The following WNK1 variants were observed in gnomAD, a reference collection of about 807,000 sequenced individuals.
The protein encoded by WNK1 is serine/threonine-protein kinase WNK1.
WNK1 carries 38 observed loss-of-function variants against 222.8 expected under a neutral mutation model. The observed-to-expected ratio is 0.17, with a 90% CI of 0.13 to 0.22. The LOEUF is 0.22. Among genes scored for constraint, WNK1 ranks in the 10% least tolerant of loss-of-function variants. The pLI is 1.00. For missense variants in WNK1, 2,348 were observed against 2,918.4 expected (o/e 0.80, Z 4.50); for synonymous variants, 1,090 against 1,092.9 (o/e 1.00, Z 0.05).
Position 884,075 on chromosome 12 carries a change from A to T in WNK1, c.3722-46A>T, listed in dbSNP as rs370355572. 14 of 1,611,244 alleles carry T rather than the reference A, an allele frequency of 8.7e-6. No homozygotes were observed. Among genetic ancestry groups the T allele is most frequent in the African/African-American group, 4.0e-5 (3 of 74,762 alleles). ...AATAATGAAGTCTAACAATATTTATAATAATAATGCTATTAAGTTACGTTT... is the reference window on the plus strand; with the variant it reads ...AATAATGAAGTCTAACAATATTTATTATAATAATGCTATTAAGTTACGTTT... On this transcript the variant is annotated intron_variant, in intron 17 of 27. Coordinates refer to ENST00000315939, the MANE Select transcript of WNK1 (RefSeq NM_018979.4). The surrounding 1 kb of genome is among the most constrained non-coding windows in gnomAD (Gnocchi z 5.6).
rs1418392646 is a variant in WNK1, at chr12:884,897, G to T, written c.4093G>T (p.Asp1365Tyr). The change falls in exon 19 of 28, where the codon GAC (aspartate) becomes TAC (tyrosine). Residue 1365 changes from aspartate to tyrosine, a missense_variant. Coordinates refer to ENST00000315939, the MANE Select transcript of WNK1 (RefSeq NM_018979.4). The surrounding 1 kb of genome is among the most constrained non-coding windows in gnomAD (Gnocchi z 5.6). The stretch of plus-strand genomic sequence containing the variant: ...CCCTGCAACAAGCAGCCCTCCTAAT[G>T]ACATTTCCACATCAGTAATTCAGTC... ...PVPATSSPPN[D>Y]ISTSVIQSEV... 1 of 1,613,982 alleles carries T rather than the reference G, an allele frequency of 6.2e-7. No homozygotes were observed. The highest frequency in any genetic ancestry group is 1.3e-5 in the African/African-American group (1 of 74,904).
In WNK1 at chr12:861,248, C is replaced by G. The variant is rs1951198447; in HGVS notation, c.1856C>G (p.Thr619Ser). ...ASTGIPTAST[T>S]SASVSTQVEP... The stretch of plus-strand genomic sequence containing the variant: ...ACCGGCATACCTACTGCTTCTACCA[C>G]TTCAGCTTCAGTTTCTACACAAGTA... Residue 619 changes from threonine (T) to serine (S), a missense_variant, in exon 7 of 28, where the codon ACT (threonine) becomes AGT (serine). By Grantham distance (58) the Thr-to-Ser change is moderately conservative. Coordinates refer to ENST00000315939, the MANE Select transcript of WNK1 (RefSeq NM_018979.4). The G allele has an allele frequency of 6.2e-7, 1 of 1,614,146 alleles. No homozygotes were observed. The highest frequency in any genetic ancestry group is 8.5e-7 in the Non-Finnish European group (1 of 1,180,026).
intron 1 of WNK1, among the ~76,000 whole-genome samples, chr12:769,300 G>A (rs1372075325): frequency 6.6e-6 from 1 of 151,916 alleles, no homozygotes; most frequent in Non-Finnish European, 1.5e-5. Context: ...CTGGGTTCAA[G>A]TGATTCTCAT....
At chr12:866,289 C>G (rs941041322) in intron 8 of WNK1, among the ~76,000 whole-genome samples, 2 of 152,186 alleles carry the variant, frequency 1.3e-5, no homozygotes, top group African/African-American at 4.8e-5. Flanking sequence ...TAAGGATCTT[C>G]CCTATGGAAG....
chr12:801,754 A>G (rs908631859), intron 1 of WNK1, among the ~76,000 whole-genome samples: 6 of 152,172 alleles, frequency 3.9e-5, no homozygotes, highest in African/African-American at 1.2e-4. Context: ...TCAGGAATGA[A>G]TGAAAGCTCC....
intron 25 of WNK1, among the ~76,000 whole-genome samples, chr12:898,500 G>T (rs1352839996): frequency 6.9e-6 from 1 of 144,734 alleles, no homozygotes. Context: ...AAAAAAAAAA[G>T]AAGAACTTGC....
At chr12:844,499 C>CT (rs1033281703) in intron 4 of WNK1, among the ~76,000 whole-genome samples, 2 of 152,118 alleles carry the variant, frequency 1.3e-5, no homozygotes, top group African/African-American at 4.8e-5. Context: ...GAATAAAAAA[C>CT]TTGAAGAGTA....
intron 4 of WNK1, among the ~76,000 whole-genome samples, chr12:843,018 C>G (rs537593745): frequency 6.6e-6 from 1 of 152,190 alleles, no homozygotes; most frequent in Admixed American, 6.5e-5. Context: ...TCACTGCAAC[C>G]TCTGCCTCCT....
intron 1 of WNK1, among the ~76,000 whole-genome samples, chr12:782,831 TA>T (rs1005766503): frequency 8.0e-5 from 12 of 149,590 alleles, no homozygotes; most frequent in Non-Finnish European, 1.3e-4. Context: ...TAGCCACATT[TA>T]AAAAAAAACA....
At position 753,779 on chromosome 12, in the gene WNK1, A is replaced by G. The variant is rs1483871160; in HGVS notation, c.214A>G (p.Thr72Ala). 18 of 1,612,362 alleles carry G rather than the reference A, an allele frequency of 1.1e-5. No individual in the cohort carries two copies. Among genetic ancestry groups the G allele is most frequent in the Non-Finnish European group, 1.4e-5 (16 of 1,179,942 alleles). The change falls in exon 1 of 28, where the codon ACT (threonine) becomes GCT (alanine). Residue 72 changes from threonine to alanine, a missense_variant. By Grantham distance (58) the Thr-to-Ala change is moderately conservative. Coordinates refer to ENST00000315939, the MANE Select transcript of WNK1 (RefSeq NM_018979.4). The surrounding 1 kb of genome is among the most constrained non-coding windows in gnomAD (Gnocchi z 5.2). Reference sequence around the variant, plus strand: ...GGACAGCCGTGGGGCGGCCGCGACCACTACCACCACTGAGCACCGCTTCTT... The same window carrying G: ...GGACAGCCGTGGGGCGGCCGCGACCGCTACCACCACTGAGCACCGCTTCTT... ...DKDSRGAAAT[T>A]TTTEHRFFRR...
rs771547710 is a variant in WNK1, at chr12:908,768, A to G, written c.7125A>G (p.Pro2375=). Residue 2375 remains proline, a synonymous_variant, in exon 28 of 28, where the codon CCA becomes CCG. Transcript: ENST00000315939. ...TGCAGAAATCCATCAGCAACCCCCCAGGCTCCAACCTGCGGACCACTTAGA... is the reference window on the plus strand; with the variant it reads ...TGCAGAAATCCATCAGCAACCCCCCGGGCTCCAACCTGCGGACCACTTAGA... ...SNLQKSISNP[P]GSNLRTT is the part of the protein sequence containing the mutation. 2.1e-6 allele frequency: 3 copies of G among 1,445,504 alleles called. No homozygotes were observed. Among genetic ancestry groups the G allele is most frequent in the Non-Finnish European group, 1.9e-6 (2 of 1,076,706 alleles). 89.5% of individuals were successfully genotyped at this position (1,445,504 alleles called of 1,614,324 possible).
chr12:833,301 A>G (rs998133887), intron 4 of WNK1, among the ~76,000 whole-genome samples: 3 of 152,170 alleles, frequency 2.0e-5, no homozygotes, highest in African/African-American at 7.2e-5. Flanking sequence ...TTTCACTTAA[A>G]CTTGTTGAGC....
chr12:858,743 T>TGGGCCTCCCTTTCC (rs1360561819), intron 5 of WNK1, among the ~76,000 whole-genome samples: 1 of 152,190 alleles, frequency 6.6e-6, no homozygotes, highest in African/African-American at 2.4e-5. Context: ...TCAACCTTTC[T>TGGGCCTCCCTTTCC]GGGCCTCCAT....
intron 26 of WNK1, among the ~76,000 whole-genome samples, chr12:902,812 G>T (rs1275181418): frequency 6.6e-6 from 1 of 152,212 alleles, no homozygotes; most frequent in East Asian, 1.9e-4. Flanking sequence ...TGCCTACCTG[G>T]CACAGAACAG....
chr12:892,035 CTT>C lies in WNK1; in HGVS notation c.5509+1535_5509+1536del, dbSNP rs34947524. On this transcript the variant is annotated intron_variant, in intron 22 of 27. Transcript: ENST00000315939. Reference sequence around the variant, plus strand: ...ATTTCAGATCCCACATTATAACTAACTTTTTTTTTTTTTTGTGGCTTGGAAAT... The same window carrying C: ...ATTTCAGATCCCACATTATAACTAACTTTTTTTTTTTTGTGGCTTGGAAAT... Among the ~76,000 whole-genome samples the C allele has an allele frequency of 1.6e-3, 215 of 135,946 alleles. 3 individuals carry two copies. In the South Asian group the frequency reaches 0.02, roughly 13 times the overall value. The allele number at this position is 135,946 out of a possible 152,430, so 89.2% of individuals were successfully genotyped here. A position where few individuals can be genotyped will look rare whatever the true frequency, so the allele number is the denominator to read the frequency against.
At chr12:900,361 C>G (rs1323750402) in intron 25 of WNK1, 115 bp from the exon 26 acceptor site, 4 of 1,120,378 alleles carry the variant, frequency 3.6e-6, no homozygotes, top group Admixed American at 1.9e-5. Flanking sequence ...CAGTTTGTAG[C>G]TTTTGACCCA....
At chr12:820,475 T>G (rs946234676) in intron 2 of WNK1, among the ~76,000 whole-genome samples, 35 of 148,540 alleles carry the variant, frequency 2.4e-4, no homozygotes, top group Non-Finnish European at 4.3e-4. Context: ...GGTTTTTTTT[T>G]TTTTTTTTTT....
At chr12:757,098 T>C (rs1940160182) in intron 1 of WNK1, among the ~76,000 whole-genome samples, 1 of 151,680 alleles carries the variant, frequency 6.6e-6, no homozygotes, top group African/African-American at 2.4e-5. Context: ...GGTGTGGAAG[T>C]GGCTGTTGGA....
intron 8 of WNK1, chr12:868,780 G>A (rs779273594): frequency 6.2e-7 from 1 of 1,614,038 alleles, no homozygotes; most frequent in Admixed American, 1.7e-5. Context: ...TGCAGCCTGT[G>A]ACTGAAGAAA....
Sources: allele counts gnomAD v4.1 joint callset (sites outside exome capture counted in the v4.1 genomes callset), GRCh38; gene constraint gnomAD v4.1.1; non-coding constraint Gnocchi (gnomAD v3.1); transcripts MANE v1.5; gene names NCBI Gene and HGNC (gene_info 2026-07-23, HGNC 2026-07-21).